The following ARHGAP29 variants were observed in gnomAD, a reference collection of about 807,000 sequenced individuals.
ARHGAP29 encodes the protein Rho GTPase activating protein 29.
Under a neutral mutation model 122.6 loss-of-function variants are expected in ARHGAP29, and 43 were observed. The observed-to-expected ratio is 0.35, with a 90% CI of 0.27 to 0.45. ARHGAP29 has a LOEUF of 0.45. ARHGAP29 is among the 20% of genes least tolerant of loss of function. ARHGAP29 has a pLI of 1.00. For missense variants in ARHGAP29, 1,303 were observed against 1,477.2 expected (o/e 0.88, Z 1.93); for synonymous variants, 506 against 497.1 (o/e 1.02, Z -0.24).
chr1:94,248,419 A>T (rs77012269), intron 1 of ARHGAP29, among the ~76,000 whole-genome samples: 5,285 of 152,286 alleles, frequency 0.035, 327 homozygotes, highest in African/African-American at 0.12. Context: ...CATATCATGT[A>T]TGGAGGAAAA....
intron 2 of ARHGAP29, among the ~76,000 whole-genome samples, chr1:94,220,721 T>A (rs1207917737): frequency 6.6e-6 from 1 of 150,476 alleles, no homozygotes; most frequent in Non-Finnish European, 1.5e-5. Flanking sequence ...TGCCTTATAG[T>A]TTTACTATCA....
chr1:94,206,638 T>C (rs1460787750), intron 5 of ARHGAP29, among the ~76,000 whole-genome samples: 2 of 152,260 alleles, frequency 1.3e-5, no homozygotes, highest in South Asian at 2.1e-4. Context: ...GGCTGATACC[T>C]GTAATCACAG....
chr1:94,194,847 T>G (rs1650354170), intron 12 of ARHGAP29: 1 of 152,252 alleles, frequency 6.6e-6, no homozygotes, highest in Admixed American at 6.5e-5. Context: ...CATTATGTTT[T>G]GATATATGCT....
chr1:94,311,535 G>A, the ARHGAP29 span, among the ~76,000 whole-genome samples: 2 of 152,122 alleles, frequency 1.3e-5, no homozygotes, highest in South Asian at 4.1e-4. Flanking sequence ...CCATGTTTGA[G>A]GGGTAAGAGA....
chr1:94,178,806 G>A (rs912853572), intron 20 of ARHGAP29, among the ~76,000 whole-genome samples: 1 of 152,078 alleles, frequency 6.6e-6, no homozygotes, highest in Non-Finnish European at 1.5e-5. Context: ...ACTTTATCAG[G>A]CCTCTACCTG....
At chr1:94,244,585 T>G (rs1304131874) in intron 1 of ARHGAP29, among the ~76,000 whole-genome samples, 1 of 151,908 alleles carries the variant, frequency 6.6e-6, no homozygotes, top group African/African-American at 2.4e-5. Flanking sequence ...GAGAAAGAAA[T>G]AAAATGCATT....
In ARHGAP29 at chr1:94,173,733, TACA is replaced by T. The variant is rs560724872; in HGVS notation, c.*133_*135del. 1.9e-6 allele frequency: 2 copies of T among 1,068,602 alleles called. No homozygotes were observed. The highest frequency in any genetic ancestry group is 1.6e-5 in the South Asian group (1 of 61,160). The allele number at this position is 1,068,602 out of a possible 1,614,324, so 66.2% of individuals were successfully genotyped here. A position where few individuals can be genotyped will look rare whatever the true frequency, so the allele number is the denominator to read the frequency against. On this transcript the variant is annotated 3_prime_UTR_variant, in exon 23 of 23. Coordinates refer to ENST00000260526, the MANE Select transcript of ARHGAP29 (RefSeq NM_004815.4). ...TTCAGTATTACCAACAGAGGATAAA[TACA>T]ACAACAAAAGGCAAAACCCATGATT...
the ARHGAP29 span, among the ~76,000 whole-genome samples, chr1:94,310,265 G>T: frequency 1.3e-5 from 2 of 152,166 alleles, no homozygotes; most frequent in Non-Finnish European, 2.9e-5. Flanking sequence ...AGTTCGTAGG[G>T]TGGGGAAACA....
chr1:94,246,827 C>T (rs183079201), intron 1 of ARHGAP29, among the ~76,000 whole-genome samples: 72 of 152,182 alleles, frequency 4.7e-4, no homozygotes, highest in Non-Finnish European at 8.5e-4. Context: ...CCCAGCTTGT[C>T]CCTTCCTATT....
At chr1:94,257,473 TA>T (rs1213990074) in intron 1 of ARHGAP29, among the ~76,000 whole-genome samples, 1 of 152,018 alleles carries the variant, frequency 6.6e-6, no homozygotes, top group Non-Finnish European at 1.5e-5. Flanking sequence ...TTTGGGAGGC[TA>T]AAATGGGAGG....
At chr1:94,217,188 G>GT (rs776401012) in intron 3 of ARHGAP29, among the ~76,000 whole-genome samples, 20 of 152,080 alleles carry the variant, frequency 1.3e-4, no homozygotes, top group Admixed American at 6.5e-4. Flanking sequence ...GGTCTCCAAA[G>GT]TAAGTCATAT....
intron 5 of ARHGAP29, among the ~76,000 whole-genome samples, chr1:94,206,844 C>T (rs778596488): frequency 1.9e-4 from 4 of 20,666 alleles, no homozygotes; most frequent in Admixed American, 1.1e-3. Context: ...TGCAGTGAGC[C>T]GAGATCACAC....
chr1:94,304,433 C>T, the ARHGAP29 span, among the ~76,000 whole-genome samples: 3 of 152,216 alleles, frequency 2.0e-5, no homozygotes, highest in Non-Finnish European at 4.4e-5. Context: ...AGCCACCACA[C>T]CTGGCCTCTA....
the ARHGAP29 span, chr1:94,302,216 T>G: frequency 3.8e-6 from 1 of 261,486 alleles, no homozygotes; most frequent in Non-Finnish European, 7.6e-6. Flanking sequence ...CACTGCACCA[T>G]CAAGGCTGAA....
At chr1:94,210,802 G>C (rs1360364) in intron 3 of ARHGAP29, among the ~76,000 whole-genome samples, 145,189 of 152,010 alleles carry the variant, frequency 0.96, 69,712 homozygotes, top group East Asian at 1. Flanking sequence ...CTTTGGGAGG[G>C]CAAGGCAGGA....
At chr1:94,255,472 A>T (rs915265145) in intron 1 of ARHGAP29, among the ~76,000 whole-genome samples, 8 of 152,204 alleles carry the variant, frequency 5.3e-5, no homozygotes, top group African/African-American at 1.9e-4. Flanking sequence ...CAGGACTTAA[A>T]TAATAACAGC....
intron 1 of ARHGAP29, among the ~76,000 whole-genome samples, chr1:94,253,247 G>T (rs1057381203): frequency 1.3e-5 from 2 of 152,102 alleles, no homozygotes; most frequent in African/African-American, 4.8e-5. Flanking sequence ...GGAATTACAG[G>T]TGTGAGCCAC....
chr1:94,232,729 C>T (rs781241450), intron 1 of ARHGAP29, among the ~76,000 whole-genome samples: 6 of 152,148 alleles, frequency 3.9e-5, no homozygotes, highest in African/African-American at 1.4e-4. Context: ...TTCTTCTTCA[C>T]CCTCATTTTA....
the ARHGAP29 span, among the ~76,000 whole-genome samples, chr1:94,293,329 A>G: frequency 0.041 from 6,184 of 152,314 alleles, 446 homozygotes; most frequent in African/African-American, 0.14. Flanking sequence ...TGCAAAGACC[A>G]TGGGAAAAGC....
Sources: gnomAD v4.1 joint callset for allele counts (sites outside exome capture counted in the v4.1 genomes callset) on GRCh38, gnomAD v4.1.1 for gene constraint, MANE v1.5 for transcripts, NCBI Gene and HGNC (gene_info 2026-07-23, HGNC 2026-07-21) for gene names.